Variants in MAGI2 observed in about 807,000 individuals in gnomAD.
MAGI2 encodes membrane associated guanylate kinase, WW and PDZ domain containing 2.
A neutral mutation model predicts 133.3 loss-of-function variants in MAGI2; 35 were observed. That is an observed-to-expected ratio of 0.26 (90% CI 0.20 to 0.35). The LOEUF is 0.35. Ranked by LOEUF, MAGI2 falls within the 10% of genes least tolerant of loss-of-function variation. MAGI2 has a pLI of 1.00. For missense variants in MAGI2, 1,636 were observed against 1,863.4 expected (o/e 0.88, Z 2.25); for synonymous variants, 729 against 710.6 (o/e 1.03, Z -0.41).
intron 2 of MAGI2, among the ~76,000 whole-genome samples, chr7:79,004,921 A>C (rs952624975): frequency 6.6e-6 from 1 of 151,952 alleles, no homozygotes; most frequent in Non-Finnish European, 1.5e-5. Context: ...CGTCTCTACT[A>C]AAAATACAAA....
intron 6 of MAGI2, among the ~76,000 whole-genome samples, chr7:78,445,399 C>T (rs1446293146): frequency 2.0e-5 from 3 of 151,986 alleles, no homozygotes; most frequent in Admixed American, 6.6e-5. Context: ...TTTTGGCTGG[C>T]TGCATTGTAA....
rs1563380710 is a variant in MAGI2 at position 78,704,778 on chromosome 7, C to CTTTTTTTTTTTTCT, written c.419-77540_419-77539insAGAAAAAAAAAAAA. On this transcript the variant is annotated intron_variant, in intron 2 of 21. Coordinates refer to ENST00000354212, the MANE Select transcript of MAGI2 (RefSeq NM_012301.4). ...ATGGAAGGAGCAGGAGGCCATTATT[C>CTTTTTTTTTTTTCT]TTTTTTTTTTTTTTTTTTCTGAAAC... 4.2e-5 allele frequency among the ~76,000 whole-genome samples: 2 copies of CTTTTTTTTTTTTCT among 47,330 alleles called. 1 individual carries two copies. The highest frequency in any genetic ancestry group is 9.7e-5 in the Non-Finnish European group (2 of 20,578). 31.1% of individuals were successfully genotyped at this position (47,330 alleles called of 152,430 possible).
chr7:79,235,906 A>G (rs1831884016), intron 1 of MAGI2, among the ~76,000 whole-genome samples: 1 of 152,242 alleles, frequency 6.6e-6, no homozygotes. Context: ...GCAGTACCAG[A>G]CACACAGTTG....
intron 3 of MAGI2, chr7:78,621,431 C>T (rs1049834602): frequency 6.6e-6 from 1 of 151,708 alleles, no homozygotes; most frequent in African/African-American, 2.4e-5. Flanking sequence ...AATTTTAAAC[C>T]TGATTCAATA....
At chr7:78,682,386 C>G (rs2151098044) in intron 2 of MAGI2, among the ~76,000 whole-genome samples, 1 of 152,164 alleles carries the variant, frequency 6.6e-6, no homozygotes, top group Middle Eastern at 3.4e-3. Context: ...CCCCCACCCA[C>G]CAGCAGGCCC....
At chr7:79,171,479 GGA>G (rs1023915565) in intron 1 of MAGI2, among the ~76,000 whole-genome samples, 25 of 151,512 alleles carry the variant, frequency 1.7e-4, no homozygotes, top group African/African-American at 5.3e-4. Context: ...TAGGAATTTG[GGA>G]GGATGACATA....
At chr7:78,471,411 T>C (rs1231312966) in intron 6 of MAGI2, among the ~76,000 whole-genome samples, 1 of 152,132 alleles carries the variant, frequency 6.6e-6, no homozygotes, top group Non-Finnish European at 1.5e-5. Context: ...ACAATATATG[T>C]AATACTCTTA....
chr7:79,363,255 G>A (rs1178146447), intron 1 of MAGI2, among the ~76,000 whole-genome samples: 2 of 150,404 alleles, frequency 1.3e-5, no homozygotes, highest in Admixed American at 6.6e-5. Context: ...TGAAAGCTTC[G>A]TAATGCTGAT....
chr7:79,113,807 C>A (rs111628963), intron 1 of MAGI2, among the ~76,000 whole-genome samples: 10 of 94,886 alleles, frequency 1.1e-4, no homozygotes, highest in African/African-American at 2.7e-4. Context: ...CTATTACACA[C>A]GCTTACACAC....
intron 6 of MAGI2, among the ~76,000 whole-genome samples, chr7:78,475,899 G>A (rs1791698281): frequency 1.3e-5 from 2 of 151,742 alleles, no homozygotes; most frequent in Admixed American, 6.6e-5. Context: ...CTTTCACCAA[G>A]TCTTCTCGGA....
chr7:79,314,604 A>G (rs1000115205), intron 1 of MAGI2, among the ~76,000 whole-genome samples: 2 of 152,142 alleles, frequency 1.3e-5, no homozygotes, highest in African/African-American at 4.8e-5. Context: ...CTTTCCTGCT[A>G]AATGCATTGC....
At chr7:78,747,693 TAGA>T (rs551239893) in intron 2 of MAGI2, among the ~76,000 whole-genome samples, 3 of 152,248 alleles carry the variant, frequency 2.0e-5, no homozygotes, top group South Asian at 2.1e-4. Context: ...CTGATCTCAC[TAGA>T]AGGTTTGGTC....
rs543877421 is a variant in MAGI2 at position 78,827,086 on chromosome 7, T to A, written c.418+180004A>T. On this transcript the variant is annotated intron_variant, in intron 2 of 21. Coordinates refer to ENST00000354212, the MANE Select transcript of MAGI2 (RefSeq NM_012301.4). Reference sequence around the variant, plus strand: ...GATACAGATACATATAGATACAGCTTCATATAGATACATTAAAATATTTAT... The same window carrying A: ...GATACAGATACATATAGATACAGCTACATATAGATACATTAAAATATTTAT... Among the ~76,000 whole-genome samples, 81 of 152,170 alleles carry A rather than the reference T, an allele frequency of 5.3e-4. 1 individual carries two copies. Among genetic ancestry groups the A allele is most frequent in the African/African-American group, 1.9e-3 (78 of 41,522 alleles).
chr7:79,384,972 T>G (rs770837117), intron 1 of MAGI2, among the ~76,000 whole-genome samples: 3 of 151,692 alleles, frequency 2.0e-5, no homozygotes, highest in Non-Finnish European at 4.4e-5. Flanking sequence ...TTCTTAAAGG[T>G]ATAGTTGTAT....
chr7:78,564,783 C>CTTTTTTTTTTT lies in MAGI2; in HGVS notation c.539-43149_539-43139dup, dbSNP rs35069216. Among the ~76,000 whole-genome samples, 230 of 64,366 alleles carry CTTTTTTTTTTT rather than the reference C, an allele frequency of 3.6e-3. 49 individuals carry two copies. The highest frequency in any genetic ancestry group is 5.2e-3 in the Non-Finnish European group (189 of 36,140). The allele number at this position is 64,366 out of a possible 152,430, so 42.2% of individuals were successfully genotyped here. The stretch of plus-strand genomic sequence containing the variant: ...TACTTCATCTCATCTCTTTGACATT[C>CTTTTTTTTTTT]TTTTTTTTTTTTTTTTTTTTTTTTT... On this transcript the variant is annotated intron_variant, in intron 3 of 21. Transcript: ENST00000354212.
At chr7:78,703,075 C>T (rs1231777099) in intron 2 of MAGI2, among the ~76,000 whole-genome samples, 1 of 151,532 alleles carries the variant, frequency 6.6e-6, no homozygotes, top group Non-Finnish European at 1.5e-5. Flanking sequence ...AAAGGCATGG[C>T]CAAAGTTAGA....
chr7:78,522,022 A>AT (rs1447551268), intron 3 of MAGI2, among the ~76,000 whole-genome samples: 13 of 152,120 alleles, frequency 8.5e-5, no homozygotes, highest in Admixed American at 6.6e-5. Context: ...AGTACAGGTA[A>AT]TTTTTTTGTA....
In MAGI2 at chr7:78,160,040, A is replaced by G. The variant is rs751956751; in HGVS notation, c.2830T>C (p.Ser944Pro). 46 of 1,583,116 alleles carry G rather than the reference A, an allele frequency of 2.9e-5. 2 individuals are homozygous for G. The Admixed American group carries it at 7.9e-4, about 27-fold the overall frequency. Residue 944 changes from serine (S) to proline (P), a missense_variant, in exon 16 of 22, where the codon TCT becomes CCT. Around this residue, in one of 5 missense-constraint regions of MAGI2, gnomAD observed 920 missense variants for 1,093.5 expected, o/e 0.84. Coordinates refer to ENST00000354212, the MANE Select transcript of MAGI2 (RefSeq NM_012301.4). ...CAGCACTTACTTATAGTGGATCCAGACTCAGGCCTGTTCAGGGAGCTGATG... is the reference window on the plus strand; with the variant it reads ...CAGCACTTACTTATAGTGGATCCAGGCTCAGGCCTGTTCAGGGAGCTGATG... ...VIISSLNRPESGSTITVPHKI... is the reference protein window; with the variant it reads ...VIISSLNRPEPGSTITVPHKI...
At chr7:78,225,896 C>T (rs1172833742) in intron 10 of MAGI2, among the ~76,000 whole-genome samples, 1 of 152,120 alleles carries the variant, frequency 6.6e-6, no homozygotes, top group African/African-American at 2.4e-5. Context: ...ATTCTTTGCT[C>T]CTGCAGCCAC....
Sources: gnomAD v4.1 joint callset for allele counts (sites outside exome capture counted in the v4.1 genomes callset) on GRCh38, gnomAD v4.1.1 for gene constraint, gnomAD v4.1.1 regional missense constraint, MANE v1.5 for transcripts, NCBI Gene and HGNC (gene_info 2026-07-23, HGNC 2026-07-21) for gene names.